CDH1: variants seen among roughly 807,000 people sequenced by gnomAD.
CDH1 encodes the protein cadherin 1.
In CDH1, 35 loss-of-function variants were observed where a neutral mutation model predicts 84.5. That is an observed-to-expected ratio of 0.41 (90% CI 0.32 to 0.55). The LOEUF is 0.55. Ranked by LOEUF, CDH1 falls within the 20% of genes least tolerant of loss-of-function variation. The probability of loss-of-function intolerance (pLI) is 0.19; values close to 1 mark genes in which losing one functional copy is unlikely to be tolerated. For synonymous variants in CDH1, 417 were observed against 439.0 expected, an observed-to-expected ratio of 0.95 and a Z score of 0.63; for missense variants, 994 against 1,126.6, an observed-to-expected ratio of 0.88 and a Z score of 1.68.
At chr16:68,832,991 G>C (rs996808560) in intron 15 of CDH1, among the ~76,000 whole-genome samples, 10 of 152,168 alleles carry the variant, frequency 6.6e-5, no homozygotes, top group African/African-American at 2.4e-4. Context: ...ATCCCAGCTG[G>C]TGGTGTGGCA....
At chr16:68,805,734 A>G (rs2152128572) in intron 3 of CDH1, among the ~76,000 whole-genome samples, 1 of 152,112 alleles carries the variant, frequency 6.6e-6, no homozygotes, top group East Asian at 2.0e-4. Context: ...AGCTGGGATT[A>G]CAGGTGTGCA....
chr16:68,828,769 G>T (rs1348869746), intron 14 of CDH1, among the ~76,000 whole-genome samples: 2 of 152,076 alleles, frequency 1.3e-5, no homozygotes, highest in East Asian at 3.8e-4. Flanking sequence ...CCTGATTTTG[G>T]AGATGATCTT....
intron 6 of CDH1, among the ~76,000 whole-genome samples, chr16:68,811,332 G>C (rs926311102): frequency 2.0e-5 from 3 of 146,384 alleles, no homozygotes; most frequent in Admixed American, 1.4e-4. Flanking sequence ...GGGAGACAGA[G>C]ATTGTGGTGA....
At chr16:68,799,040 C>T (rs1862748) in intron 2 of CDH1, among the ~76,000 whole-genome samples, 39,873 of 152,150 alleles carry the variant, frequency 0.26, 5,596 homozygotes, top group Middle Eastern at 0.35. Context: ...CTTCACAAAA[C>T]CCTAAAGAGG....
intron 2 of CDH1, among the ~76,000 whole-genome samples, chr16:68,788,874 G>A (rs767976167): frequency 3.9e-5 from 6 of 151,960 alleles, no homozygotes; most frequent in African/African-American, 7.3e-5. Context: ...GTATGGTGGC[G>A]GGCACCTGTA....
At chr16:68,796,169 CAAAA>C (rs766882118) in intron 2 of CDH1, among the ~76,000 whole-genome samples, 8 of 146,142 alleles carry the variant, frequency 5.5e-5, no homozygotes, top group African/African-American at 2.0e-4. Flanking sequence ...TCTTTAAAAA[CAAAA>C]AAAAAAGAAT....
chr16:68,833,707 G>T lies in CDH1; in HGVS notation c.*208G>T. On this transcript the variant is annotated 3_prime_UTR_variant, in exon 16 of 16. Coordinates refer to ENST00000261769, the MANE Select transcript of CDH1 (RefSeq NM_004360.5). ...GAAAAGTTTCGACTTATTTCTTAAA[G>T]CTTTTTTTTTTTTCCCATCACTCTT... 3.5e-6 allele frequency: 2 copies of T among 563,408 alleles called. No homozygotes were observed. Among genetic ancestry groups the T allele is most frequent in the Non-Finnish European group, 6.3e-6 (2 of 318,098 alleles). 34.9% of individuals were successfully genotyped at this position (563,408 alleles called of 1,614,324 possible).
chr16:68,757,343 A>T (rs980910174), intron 2 of CDH1, among the ~76,000 whole-genome samples: 1 of 152,156 alleles, frequency 6.6e-6, no homozygotes, highest in African/African-American at 2.4e-5. Context: ...GGCCTCCCAA[A>T]GTGCTGGGAT....
intron 1 of CDH1, 40 bp downstream of exon 1, chr16:68,737,503 C>G (rs1294734441): frequency 7.0e-7 from 1 of 1,436,524 alleles, no homozygotes; most frequent in Non-Finnish European, 9.2e-7. Flanking sequence ...CGCATTCGGG[C>G]CGCAAGCTCC....
intron 11 of CDH1, among the ~76,000 whole-genome samples, chr16:68,821,021 C>T (rs1226340312): frequency 2.6e-5 from 4 of 152,134 alleles, no homozygotes; most frequent in Non-Finnish European, 5.9e-5. Context: ...AATTTACAGT[C>T]ATGCCATCTA....
chr16:68,788,880 C>A (rs1409888724), intron 2 of CDH1, among the ~76,000 whole-genome samples: 1 of 152,088 alleles, frequency 6.6e-6, no homozygotes, highest in African/African-American at 2.4e-5. Context: ...TGGCGGGCAC[C>A]TGTAATCCCA....
At chr16:68,752,300 T>G (rs1962907382) in intron 2 of CDH1, among the ~76,000 whole-genome samples, 1 of 152,172 alleles carries the variant, frequency 6.6e-6, no homozygotes, top group Admixed American at 6.5e-5. Context: ...CCTCCCCACC[T>G]CTTTTACTTA....
At chr16:68,746,891 A>C (rs1305727947) in intron 2 of CDH1, among the ~76,000 whole-genome samples, 1 of 151,724 alleles carries the variant, frequency 6.6e-6, no homozygotes, top group Non-Finnish European at 1.5e-5. Flanking sequence ...GGAGGTTGCA[A>C]TGAGCGGAGA....
At chr16:68,779,625 C>A (rs981214856) in intron 2 of CDH1, among the ~76,000 whole-genome samples, 2 of 152,164 alleles carry the variant, frequency 1.3e-5, no homozygotes, top group African/African-American at 4.8e-5. Context: ...GGAGGCCGAG[C>A]AGGCAGGAGG....
At chr16:68,748,241 T>C (rs1962800220) in intron 2 of CDH1, among the ~76,000 whole-genome samples, 1 of 150,976 alleles carries the variant, frequency 6.6e-6, no homozygotes, top group Non-Finnish European at 1.5e-5. Flanking sequence ...GCCTCCAGAG[T>C]AGCTAGGATT....
At position 68,813,421 on chromosome 16, in the gene CDH1, T is replaced by C. The variant is rs1459059254; in HGVS notation, c.1246T>C (p.Leu416=). The C allele has an allele frequency of 1.2e-6, 2 of 1,613,746 alleles. No homozygotes were observed. The highest frequency in any genetic ancestry group is 1.7e-6 in the Non-Finnish European group (2 of 1,179,778). Reference sequence around the variant, plus strand: ...AGCGTGGGAGGCTGTATACACCATATTGAATGATGATGGTGGACAATTTGT... The same window carrying C: ...AGCGTGGGAGGCTGTATACACCATACTGAATGATGATGGTGGACAATTTGT... The part of the protein sequence containing the change: ...TPAWEAVYTI[L]NDDGGQFVVT... The change falls in exon 9 of 16, where the codon TTG becomes CTG. Residue 416 remains leucine, a synonymous_variant. Transcript: ENST00000261769.
chr16:68,805,026 A>C (rs1960621925), intron 3 of CDH1, among the ~76,000 whole-genome samples: 1 of 128,030 alleles, frequency 7.8e-6, no homozygotes, highest in African/African-American at 3.0e-5. Flanking sequence ...TTTTGTAGAG[A>C]TAGGGTTTCA....
chr16:68,737,323 C>A lies in CDH1; in HGVS notation c.-93C>A. 9.3e-7 allele frequency: 1 copy of A among 1,078,122 alleles called. No homozygotes were observed. The highest frequency in any genetic ancestry group is 1.5e-5 in the South Asian group (1 of 67,826). 66.8% of individuals were successfully genotyped at this position (1,078,122 alleles called of 1,614,324 possible). ...GTCGGAACTGCAAAGCACCTGTGAGCTTGCGGAAGTCAGTTCAGACTCCAG... is the reference window on the plus strand; with the variant it reads ...GTCGGAACTGCAAAGCACCTGTGAGATTGCGGAAGTCAGTTCAGACTCCAG... On this transcript the variant is annotated 5_prime_UTR_variant, in exon 1 of 16. Coordinates refer to ENST00000261769, the MANE Select transcript of CDH1 (RefSeq NM_004360.5).
chr16:68,767,630 T>C (rs1376620079), intron 2 of CDH1, among the ~76,000 whole-genome samples: 1 of 152,258 alleles, frequency 6.6e-6, no homozygotes, highest in African/African-American at 2.4e-5. Flanking sequence ...GTCTGTATCT[T>C]GGTCTTTTGT....
Sources: allele counts gnomAD v4.1 joint callset (sites outside exome capture counted in the v4.1 genomes callset), GRCh38; gene constraint gnomAD v4.1.1; transcripts MANE v1.5; gene names NCBI Gene and HGNC (gene_info 2026-07-23, HGNC 2026-07-21).